Variants in TMEM255B observed in about 807,000 individuals in gnomAD.
TMEM255B encodes the protein family with sequence similarity 70, member B.
TMEM255B carries 35 observed loss-of-function variants against 34.5 expected under a neutral mutation model. That is an observed-to-expected ratio of 1.01 (90% CI 0.77 to 1.34). The LOEUF (loss-of-function observed/expected upper bound fraction) is 1.34. TMEM255B is among the 40% of genes most tolerant of loss of function. TMEM255B has a pLI of 0.00. For missense variants in TMEM255B, 432 were observed against 433.2 expected, an observed-to-expected ratio of 1.00 and a Z score of 0.02; for synonymous variants, 206 against 201.2, an observed-to-expected ratio of 1.02 and a Z score of -0.20.
intron 3 of TMEM255B, among the ~76,000 whole-genome samples, chr13:113,774,749 ACACACAC>A (rs199904110): frequency 0.4 from 59,317 of 146,784 alleles, 13,362 homozygotes; most frequent in East Asian, 0.73. Flanking sequence ...CACACACACT[ACACACAC>A]CACACACCAC....
In TMEM255B at chr13:113,800,922, A is replaced by G. The variant is rs115620789; in HGVS notation, c.509+10A>G. On this transcript the variant is annotated intron_variant, in intron 6 of 8. Coordinates refer to ENST00000375353, the MANE Select transcript of TMEM255B (RefSeq NM_182614.4). ...TCTATGCCTGCGGGAGGTGAGGGGC[A>G]CCGGGGACCCCCATATCTACACCTG... 5,233 of 1,196,610 alleles carry G rather than the reference A, an allele frequency of 4.4e-3. 35 individuals are homozygous for G. Among genetic ancestry groups the G allele is most frequent in the African/African-American group, 0.01 (378 of 37,232 alleles). The allele number at this position is 1,196,610 out of a possible 1,614,324, so 74.1% of individuals were successfully genotyped here.
chr13:113,773,488 C>T (rs1163495933), intron 3 of TMEM255B, among the ~76,000 whole-genome samples: 4 of 152,344 alleles, frequency 2.6e-5, no homozygotes, highest in Admixed American at 6.5e-5. Context: ...CCAAGAGTGA[C>T]GGCCACTGCC....
chr13:113,759,788 G>T (rs186916686), intron 1 of TMEM255B, among the ~76,000 whole-genome samples: 27 of 152,266 alleles, frequency 1.8e-4, no homozygotes, highest in African/African-American at 6.3e-4. Flanking sequence ...GTGCAGAGGC[G>T]CTCACAGAAC....
chr13:113,767,221 A>T (rs914965038), intron 2 of TMEM255B, among the ~76,000 whole-genome samples: 1 of 152,220 alleles, frequency 6.6e-6, no homozygotes, highest in African/African-American at 2.4e-5. Flanking sequence ...TTATTTCACC[A>T]TTATATTTTC....
At position 113,770,986 on chromosome 13, in the gene TMEM255B, T is replaced by TA. The variant is rs1419113498; in HGVS notation, c.252+1833dup. ...GTGTGGGTCTGTTTTTCTTTCCTTTTAAAAAAATGGCTTTAATGAGATATA... is the reference window on the plus strand; with the variant it reads ...GTGTGGGTCTGTTTTTCTTTCCTTTTAAAAAAAATGGCTTTAATGAGATATA... On this transcript the variant is annotated intron_variant, in intron 3 of 8. Coordinates refer to ENST00000375353, the MANE Select transcript of TMEM255B (RefSeq NM_182614.4). The surrounding 1 kb of genome is among the most constrained non-coding windows in gnomAD (Gnocchi z 4.6). Among the ~76,000 whole-genome samples the TA allele has an allele frequency of 2.6e-5, 4 of 152,228 alleles. No individual in the cohort carries two copies. Among genetic ancestry groups the TA allele is most frequent in the African/African-American group, 9.6e-5 (4 of 41,532 alleles).
At chr13:113,811,351 G>T in intron 8 of TMEM255B, among the ~76,000 whole-genome samples, 1 of 135,746 alleles carries the variant, frequency 7.4e-6, no homozygotes, top group Non-Finnish European at 1.6e-5. Flanking sequence ...CTGTGGGGTG[G>T]GGGCCGGTGA....
At chr13:113,764,643 C>T (rs1168383561) in intron 1 of TMEM255B, among the ~76,000 whole-genome samples, 2 of 152,234 alleles carry the variant, frequency 1.3e-5, no homozygotes, top group African/African-American at 4.8e-5. Flanking sequence ...TTTTCCAATG[C>T]CTGCAGCGTG....
chr13:113,791,477 C>G (rs9550237), intron 3 of TMEM255B, among the ~76,000 whole-genome samples: 62,774 of 152,078 alleles, frequency 0.41, 14,281 homozygotes, highest in East Asian at 0.72. Context: ...ACTGGTCACA[C>G]ACCCCTCAGG....
Position 113,811,944 on chromosome 13 carries a change from T to A in TMEM255B, c.*41T>A, listed in dbSNP as rs57710119. Reference sequence around the variant, plus strand: ...AAAGATAACTTGTTTGTTTTTTTTTTTAAAAAAAAGGCAGCCTCTAGAAAT... The same window carrying A: ...AAAGATAACTTGTTTGTTTTTTTTTATAAAAAAAAGGCAGCCTCTAGAAAT... On this transcript the variant is annotated 3_prime_UTR_variant, in exon 9 of 9. Coordinates refer to ENST00000375353, the MANE Select transcript of TMEM255B (RefSeq NM_182614.4). 4,128 of 1,469,790 alleles carry A rather than the reference T, an allele frequency of 2.8e-3. 36 individuals carry two copies. The African/African-American group carries it at 0.038, about 13-fold the overall frequency. The allele number at this position is 1,469,790 out of a possible 1,614,324, so 91.0% of individuals were successfully genotyped here.
At chr13:113,802,865 C>T (rs1289331113) in intron 7 of TMEM255B, among the ~76,000 whole-genome samples, 2 of 148,244 alleles carry the variant, frequency 1.3e-5, no homozygotes, top group African/African-American at 2.5e-5. Flanking sequence ...AGACAGGCAC[C>T]TCCCAGGGGT....
intron 8 of TMEM255B, among the ~76,000 whole-genome samples, chr13:113,807,399 C>T (rs1429897113): frequency 7.2e-6 from 1 of 138,960 alleles, no homozygotes; most frequent in African/African-American, 2.8e-5. Flanking sequence ...CTCCCTGTCA[C>T]ACGTGGGCTT....
intron 3 of TMEM255B, among the ~76,000 whole-genome samples, chr13:113,794,839 CAT>C (rs1425201643): frequency 6.6e-6 from 1 of 152,262 alleles, no homozygotes; most frequent in Non-Finnish European, 1.5e-5. Flanking sequence ...GATGAGCACA[CAT>C]TAGGGTTGGG....
chr13:113,811,832 G>A lies in TMEM255B; in HGVS notation c.910G>A (p.Gly304Ser), dbSNP rs544679310. The change falls in exon 9 of 9, where the codon GGC becomes AGC. Residue 304 changes from glycine to serine, a missense_variant. Physicochemically the swap from Gly to Ser is moderately conservative, Grantham distance 56. Transcript: ENST00000375353. ...AAGCAGCTCTGGCTCTGGGCTTCCC[G>A]GCCAGGCTCCACCGTGCTACGCACC... is the stretch of plus-strand genomic sequence containing the variant. ...SPSSSGSGLP[G>S]QAPPCYAPTY... 2.7e-5 allele frequency: 43 copies of A among 1,613,880 alleles called. No individual in the cohort carries two copies. Among genetic ancestry groups the A allele is most frequent in the African/African-American group, 8.0e-5 (6 of 74,992 alleles).
Position 113,769,167 on chromosome 13 carries a change from A to C in TMEM255B, c.252+7A>C, listed in dbSNP as rs929238322. 1 of 1,613,982 alleles carries C rather than the reference A, an allele frequency of 6.2e-7. No homozygotes were observed. The highest frequency in any genetic ancestry group is 1.3e-5 in the African/African-American group (1 of 74,936). Reference sequence around the variant, plus strand: ...GGAGAATAGAAGGCAAATGGTAAGAAAGTACATGGGGTGGTGGGGAGCATG... The same window carrying C: ...GGAGAATAGAAGGCAAATGGTAAGACAGTACATGGGGTGGTGGGGAGCATG... On this transcript the variant is annotated splice_region_variant and intron_variant, in intron 3 of 8. Transcript: ENST00000375353. This position sits in a 1 kb window ranked among gnomAD's most constrained non-coding sequence, Gnocchi z 4.2.
Position 113,776,602 on chromosome 13 carries a change from G to A in TMEM255B, c.252+7442G>A, listed in dbSNP as rs561691257. On this transcript the variant is annotated intron_variant, in intron 3 of 8. Coordinates refer to ENST00000375353, the MANE Select transcript of TMEM255B (RefSeq NM_182614.4). ...GCCTAGCAGGCCCTCGCCTCAGGAC[G>A]CCTGTTTTTTTCTGCTGTCTGAGCA... 8.0e-4 allele frequency among the ~76,000 whole-genome samples: 122 copies of A among 152,324 alleles called. 1 individual carries two copies. In the South Asian group the frequency reaches 0.011, roughly 13 times the overall value.
intron 1 of TMEM255B, among the ~76,000 whole-genome samples, chr13:113,762,766 G>A (rs1011748193): frequency 8.5e-5 from 13 of 152,196 alleles, no homozygotes; most frequent in African/African-American, 2.7e-4. Flanking sequence ...CCTGACAGAC[G>A]GACGCCCACA....
At chr13:113,780,640 G>A (rs1298361061) in intron 3 of TMEM255B, among the ~76,000 whole-genome samples, 1 of 152,154 alleles carries the variant, frequency 6.6e-6, no homozygotes, top group African/African-American at 2.4e-5. Context: ...GAACATTTTA[G>A]CTCTTCAAGA....
intron 4 of TMEM255B, among the ~76,000 whole-genome samples, chr13:113,795,660 G>T (rs1232544095): frequency 9.6e-6 from 1 of 103,962 alleles, no homozygotes; most frequent in South Asian, 3.1e-4. Flanking sequence ...ACACACAACA[G>T]AGCACACAGC....
At chr13:113,795,337 T>C in intron 4 of TMEM255B, 100 bp downstream of exon 4, 2 of 1,276,400 alleles carry the variant, frequency 1.6e-6, no homozygotes, top group Non-Finnish European at 2.2e-6. Context: ...CTCAGACGGC[T>C]TCACCGTCAG....
Sources: gnomAD v4.1 joint callset for allele counts (sites outside exome capture counted in the v4.1 genomes callset) on GRCh38, gnomAD v4.1.1 for gene constraint, Gnocchi (gnomAD v3.1) non-coding constraint, MANE v1.5 for transcripts, NCBI Gene and HGNC (gene_info 2026-07-23, HGNC 2026-07-21) for gene names.